Variants in CBLN2 observed in about 807,000 individuals in gnomAD.
The protein encoded by CBLN2 is cerebellin 2 precursor.
A neutral mutation model predicts 15.0 loss-of-function variants in CBLN2; 7 were observed. That is an observed-to-expected ratio of 0.47 (90% CI 0.27 to 0.88). The LOEUF is 0.88. Among genes scored for constraint, CBLN2 ranks in the 40% least tolerant of loss-of-function variants. The pLI is 0.14. For synonymous variants in CBLN2, 149 were observed against 135.2 expected (o/e 1.10, Z -0.71); for missense variants, 242 against 304.5 (o/e 0.79, Z 1.53).
intron 1 of CBLN2, among the ~76,000 whole-genome samples, chr18:72,551,259 C>A (rs181211221): frequency 2.2e-4 from 34 of 152,078 alleles, no homozygotes; most frequent in Admixed American, 9.2e-4. Flanking sequence ...CACATCTATA[C>A]ATATATATGA....
intron 1 of CBLN2, among the ~76,000 whole-genome samples, chr18:72,613,058 T>C (rs1171078429): frequency 6.6e-6 from 1 of 152,206 alleles, no homozygotes; most frequent in East Asian, 1.9e-4. Flanking sequence ...CACCCTGATC[T>C]GTGCCTTCTT....
chr18:72,569,960 G>A (rs1353269371), intron 1 of CBLN2, among the ~76,000 whole-genome samples: 1 of 152,154 alleles, frequency 6.6e-6, no homozygotes, highest in Non-Finnish European at 1.5e-5. Flanking sequence ...CCACAGAAAT[G>A]TCTTAGAGAC....
intron 1 of CBLN2, among the ~76,000 whole-genome samples, chr18:72,569,288 A>C (rs1323984052): frequency 6.7e-6 from 1 of 149,426 alleles, no homozygotes; most frequent in African/African-American, 2.6e-5. Context: ...TGTAATATAG[A>C]CATCATTTTA....
intron 1 of CBLN2, among the ~76,000 whole-genome samples, chr18:72,569,615 C>G (rs948049299): frequency 1.3e-5 from 2 of 152,070 alleles, no homozygotes; most frequent in Admixed American, 6.6e-5. Context: ...CAGGAAACTT[C>G]CAATCATGGC....
intron 1 of CBLN2, among the ~76,000 whole-genome samples, chr18:72,555,614 T>C (rs955183988): frequency 6.6e-6 from 1 of 152,230 alleles, no homozygotes; most frequent in African/African-American, 2.4e-5. Context: ...TTCCATTTAA[T>C]TTATCATAAG....
chr18:72,553,019 T>C (rs1048777248), intron 1 of CBLN2, among the ~76,000 whole-genome samples: 23 of 152,226 alleles, frequency 1.5e-4, no homozygotes, highest in African/African-American at 5.3e-4. Context: ...GAAATATTTG[T>C]TTAAATGACA....
upstream of CBLN2, among the ~76,000 whole-genome samples, chr18:72,548,904 A>G (rs1401801568): frequency 6.6e-6 from 1 of 152,230 alleles, no homozygotes; most frequent in Non-Finnish European, 1.5e-5. Flanking sequence ...TCCAAACTGT[A>G]ATGAGCACAT....
upstream of CBLN2, chr18:72,544,681 C>G (rs1046534813): frequency 6.6e-6 from 1 of 152,068 alleles, no homozygotes; most frequent in African/African-American, 2.4e-5. Context: ...CCAGTCTTCC[C>G]GGTATCCTTC....
chr18:72,584,035 T>C (rs1008755366), intron 1 of CBLN2, among the ~76,000 whole-genome samples: 1 of 152,234 alleles, frequency 6.6e-6, no homozygotes, highest in African/African-American at 2.4e-5. Flanking sequence ...ACCTGGCTCC[T>C]GCCTCTTTCC....
At chr18:72,601,960 C>T (rs2069551344) in intron 1 of CBLN2, among the ~76,000 whole-genome samples, 1 of 152,192 alleles carries the variant, frequency 6.6e-6, no homozygotes, top group African/African-American at 2.4e-5. Flanking sequence ...GTTTACAGCC[C>T]CTCAGAAGCT....
Position 72,595,665 on chromosome 18 carries a change from A to G in CBLN2, c.15+42660T>C, listed in dbSNP as rs186910966. On this transcript the variant is annotated intron_variant, in intron 1 of 2. Coordinates refer to the CBLN2 transcript ENST00000581073. ...CGTACTGGGGTTTATCTCTCTCTTT[A>G]GCACAAATATTACTTGCTTTATATA... 3.0e-4 allele frequency among the ~76,000 whole-genome samples: 46 copies of G among 152,242 alleles called. No homozygotes were observed. In the East Asian group the frequency reaches 6.6e-3, roughly 22 times the overall value.
chr18:72,551,726 T>A (rs1016328713), intron 1 of CBLN2, among the ~76,000 whole-genome samples: 14 of 152,224 alleles, frequency 9.2e-5, no homozygotes, highest in Non-Finnish European at 1.9e-4. Flanking sequence ...ATGCATACAT[T>A]ACATGAAATT....
At chr18:72,583,807 C>T (rs76773990) in intron 1 of CBLN2, among the ~76,000 whole-genome samples, 7,656 of 152,240 alleles carry the variant, frequency 0.05, 219 homozygotes, top group East Asian at 0.094. Context: ...CATGGCCTGG[C>T]CATCCCACTC....
chr18:72,618,392 C>A, intron 1 of CBLN2: 1 of 557,382 alleles, frequency 1.8e-6, no homozygotes, highest in South Asian at 1.7e-5. Context: ...TACTCACAGA[C>A]TAGGCGGTCT....
chr18:72,617,824 T>C lies in CBLN2; in HGVS notation c.15+20501A>G, dbSNP rs567298692. On this transcript the variant is annotated intron_variant, in intron 1 of 2. Coordinates refer to the CBLN2 transcript ENST00000581073. ...ATGAATGAGACTCAGTTAGTAGTAA[T>C]AGTGGAAAGGAGGCACAACCTGGTA... Among the ~76,000 whole-genome samples the C allele has an allele frequency of 5.9e-5, 9 of 152,238 alleles. No homozygotes were observed. The South Asian group carries it at 1.2e-3, about 21-fold the overall frequency.
chr18:72,591,687 T>A (rs1267328911), intron 1 of CBLN2, among the ~76,000 whole-genome samples: 1 of 152,186 alleles, frequency 6.6e-6, no homozygotes, highest in African/African-American at 2.4e-5. Flanking sequence ...TTCTACTCTC[T>A]ATCTCCATGA....
chr18:72,553,722 A>G (rs2069206130), intron 1 of CBLN2, among the ~76,000 whole-genome samples: 1 of 152,156 alleles, frequency 6.6e-6, no homozygotes, highest in South Asian at 2.1e-4. Context: ...AATCCTGGTC[A>G]TAGAATGGGG....
chr18:72,603,502 C>T (rs544786270), intron 1 of CBLN2, among the ~76,000 whole-genome samples: 3 of 152,222 alleles, frequency 2.0e-5, no homozygotes, highest in African/African-American at 7.2e-5. Context: ...TTCAACATTC[C>T]CTTAAAATGC....
Position 72,566,309 on chromosome 18 carries a change from C to T in CBLN2, c.16-27537G>A, listed in dbSNP as rs1321531618. Among the ~76,000 whole-genome samples, 3 of 152,158 alleles carry T rather than the reference C, an allele frequency of 2.0e-5. No individual in the cohort carries two copies. In the East Asian group the frequency reaches 5.8e-4, roughly 29 times the overall value. On this transcript the variant is annotated intron_variant, in intron 1 of 2. Transcript: ENST00000581073. The stretch of plus-strand genomic sequence containing the variant: ...ACTACCATGTGATCTAGCAATCCCA[C>T]TACTAGGTATATCATCAAATGAAAT...
Sources: gnomAD v4.1 joint callset for allele counts (sites outside exome capture counted in the v4.1 genomes callset) on GRCh38, gnomAD v4.1.1 for gene constraint, MANE v1.5 for transcripts, NCBI Gene and HGNC (gene_info 2026-07-23, HGNC 2026-07-21) for gene names.